Variants in EVA1A observed in about 807,000 individuals in gnomAD.
EVA1A encodes eva-1 homolog A, regulator of programmed cell death.
EVA1A carries 7 observed loss-of-function variants against 9.8 expected under a neutral mutation model. The observed-to-expected ratio is 0.71, with a 90% CI of 0.41 to 1.34. EVA1A has a LOEUF of 1.34. EVA1A is among the 40% of genes most tolerant of loss of function. The probability of loss-of-function intolerance (pLI) is 0.01; values close to 1 mark genes in which losing one functional copy is unlikely to be tolerated. For synonymous variants in EVA1A, 90 were observed against 85.6 expected, an observed-to-expected ratio of 1.05 and a Z score of -0.28; for missense variants, 206 against 205.9, an observed-to-expected ratio of 1.00 and a Z score of 0.00.
intron 1 of EVA1A, among the ~76,000 whole-genome samples, chr2:75,559,582 G>A (rs1378034395): frequency 6.6e-6 from 1 of 152,160 alleles, no homozygotes; most frequent in East Asian, 1.9e-4. Flanking sequence ...AAACCTCAGT[G>A]CTTGCCGCTG....
chr2:75,517,079 T>C (rs933506441), intron 3 of EVA1A, among the ~76,000 whole-genome samples: 3 of 152,040 alleles, frequency 2.0e-5, no homozygotes, highest in African/African-American at 7.2e-5. Flanking sequence ...TCCTTTTTTT[T>C]TCTGAAATCA....
intron 3 of EVA1A, among the ~76,000 whole-genome samples, chr2:75,516,294 C>A (rs1675004016): frequency 6.6e-6 from 1 of 152,110 alleles, no homozygotes; most frequent in Non-Finnish European, 1.5e-5. Context: ...AGGGAGTGTT[C>A]CCCATTTCAG....
chr2:75,496,016 A>T (rs996229465), intron 3 of EVA1A, among the ~76,000 whole-genome samples: 3 of 152,196 alleles, frequency 2.0e-5, no homozygotes, highest in African/African-American at 7.2e-5. Context: ...TTCAAAGCCT[A>T]TTCCCTTCTC....
Position 75,543,708 on chromosome 2 carries a change from A to G in EVA1A, c.-192+16972T>C, listed in dbSNP as rs531952983. 1.9e-3 allele frequency among the ~76,000 whole-genome samples: 283 copies of G among 152,200 alleles called. 3 individuals are homozygous for G. The highest frequency in any genetic ancestry group is 6.6e-3 in the African/African-American group (276 of 41,532). ...GAGACCTTCCTAATCATTCCTCACC[A>G]GGGGGAACTAGTCCTACAACCACAT... On this transcript the variant is annotated intron_variant, in intron 1 of 3. Coordinates refer to ENST00000393913, the MANE Select transcript of EVA1A (RefSeq NM_001135032.2).
chr2:75,525,267 T>C, intron 1 of EVA1A, among the ~76,000 whole-genome samples: 1 of 152,234 alleles, frequency 6.6e-6, no homozygotes, highest in East Asian at 1.9e-4. Context: ...TAAACTTACC[T>C]AATTTCCCCC....
rs192090819 is a variant in EVA1A at position 75,530,857 on chromosome 2, C to T, written c.-191-8370G>A. ...AGAACTGAAACAAGACAAAAATGCC[C>T]ACTTTCACCACTTCAATTAAACATA... On this transcript the variant is annotated intron_variant, in intron 1 of 3. Transcript: ENST00000393913. Among the ~76,000 whole-genome samples, 97 of 152,234 alleles carry T rather than the reference C, an allele frequency of 6.4e-4. 1 individual carries two copies. Among genetic ancestry groups the T allele is most frequent in the African/African-American group, 2.2e-3 (92 of 41,530 alleles).
At chr2:75,533,188 G>GA (rs1347019889) in intron 1 of EVA1A, among the ~76,000 whole-genome samples, 210 of 147,462 alleles carry the variant, frequency 1.4e-3, no homozygotes, top group Non-Finnish European at 2.2e-3. Flanking sequence ...AAAAAAGAAA[G>GA]AAAAAAAAAC....
At chr2:75,508,500 A>G (rs1376720294) in intron 3 of EVA1A, among the ~76,000 whole-genome samples, 1 of 152,152 alleles carries the variant, frequency 6.6e-6, no homozygotes, top group Non-Finnish European at 1.5e-5. Flanking sequence ...ATTTTTGGTC[A>G]GACCGGTTGC....
rs73938920 is a variant in EVA1A, at chr2:75,501,980, C to T, written c.86-8371G>A. ...CCCTCAACCCAAGGAAGACAATTCCCCAACCAAGAGAAAATCTGTCTGGAT... is the reference window on the plus strand; with the variant it reads ...CCCTCAACCCAAGGAAGACAATTCCTCAACCAAGAGAAAATCTGTCTGGAT... On this transcript the variant is annotated intron_variant, in intron 3 of 3. Coordinates refer to ENST00000393913, the MANE Select transcript of EVA1A (RefSeq NM_001135032.2). 6.6e-3 allele frequency among the ~76,000 whole-genome samples: 1,000 copies of T among 152,274 alleles called. 8 individuals carry two copies. The highest frequency in any genetic ancestry group is 0.023 in the African/African-American group (948 of 41,562).
At chr2:75,499,635 A>T (rs77052035) in intron 3 of EVA1A, among the ~76,000 whole-genome samples, 6,516 of 152,212 alleles carry the variant, frequency 0.043, 472 homozygotes, top group African/African-American at 0.15. Context: ...TTTTCCTCTG[A>T]AAGAGACTTG....
At chr2:75,557,592 C>A (rs942137746) in intron 1 of EVA1A, among the ~76,000 whole-genome samples, 17 of 152,224 alleles carry the variant, frequency 1.1e-4, no homozygotes, top group African/African-American at 4.1e-4. Context: ...AAGGCACATG[C>A]ACAGTAAAGA....
upstream of EVA1A, among the ~76,000 whole-genome samples, chr2:75,565,446 C>A (rs1054656610): frequency 2.0e-5 from 3 of 152,072 alleles, no homozygotes; most frequent in Non-Finnish European, 2.9e-5. Flanking sequence ...CTCCTGTGTG[C>A]GGAGTATTAA....
At chr2:75,510,175 T>C (rs1674760276) in intron 3 of EVA1A, among the ~76,000 whole-genome samples, 1 of 152,202 alleles carries the variant, frequency 6.6e-6, no homozygotes, top group East Asian at 1.9e-4. Context: ...ATTTCTTGGT[T>C]ACACAAGTGT....
upstream of EVA1A, among the ~76,000 whole-genome samples, chr2:75,565,287 T>A (rs1182110029): frequency 2.0e-5 from 3 of 152,192 alleles, no homozygotes; most frequent in Non-Finnish European, 4.4e-5. Context: ...GGCTTTTTTT[T>A]AAACCTTTCC....
chr2:75,494,228 G>A (rs549004528), intron 3 of EVA1A, among the ~76,000 whole-genome samples: 51 of 152,080 alleles, frequency 3.4e-4, no homozygotes, highest in Non-Finnish European at 4.3e-4. Flanking sequence ...CATTATTTGC[G>A]AGATGAGAAA....
chr2:75,511,569 G>C (rs1177384321), intron 3 of EVA1A, among the ~76,000 whole-genome samples: 2 of 152,150 alleles, frequency 1.3e-5, no homozygotes, highest in African/African-American at 4.8e-5. Flanking sequence ...TGAAATGGAG[G>C]AGGAGAAAAC....
At position 75,558,825 on chromosome 2, in the gene EVA1A, A is replaced by G. The variant is rs116763000; in HGVS notation, c.-192+1855T>C. The G allele has an allele frequency of 6.3e-3, 964 of 152,376 alleles. 11 individuals carry two copies. The highest frequency in any genetic ancestry group is 0.029 in the South Asian group (141 of 4,830). 9.4% of individuals were successfully genotyped at this position (152,376 alleles called of 1,614,324 possible). On this transcript the variant is annotated intron_variant, in intron 1 of 3. Coordinates refer to ENST00000393913, the MANE Select transcript of EVA1A (RefSeq NM_001135032.2). Reference sequence around the variant, plus strand: ...GGGTTACATTTTATTCTGTAAAGACAGTGATTTTCAAACTTTAACATGCAG... The same window carrying G: ...GGGTTACATTTTATTCTGTAAAGACGGTGATTTTCAAACTTTAACATGCAG...
At chr2:75,524,537 T>A (rs1675351185) in intron 1 of EVA1A, among the ~76,000 whole-genome samples, 1 of 152,092 alleles carries the variant, frequency 6.6e-6, no homozygotes, top group South Asian at 2.1e-4. Context: ...TGAAAAAATA[T>A]AATCATTCAT....
At chr2:75,541,916 T>C (rs1039890515) in intron 1 of EVA1A, 1 of 152,126 alleles carries the variant, frequency 6.6e-6, no homozygotes, top group Admixed American at 6.6e-5. Flanking sequence ...CCCAATCTCA[T>C]ATAGTGGTGT....
Sources: gnomAD v4.1 joint callset for allele counts (sites outside exome capture counted in the v4.1 genomes callset) on GRCh38, gnomAD v4.1.1 for gene constraint, MANE v1.5 for transcripts, NCBI Gene and HGNC (gene_info 2026-07-23, HGNC 2026-07-21) for gene names.